KIF6: variants seen among roughly 807,000 people sequenced by gnomAD.
KIF6 encodes kinesin-like protein KIF6.
A neutral mutation model predicts 112.7 loss-of-function variants in KIF6; 106 were observed. The observed-to-expected ratio is 0.94, with a 90% CI of 0.80 to 1.11. The LOEUF is 1.11. Ranked by LOEUF, KIF6 falls within the 50% of genes least tolerant of loss-of-function variation. The probability of loss-of-function intolerance (pLI) is 0.00; values close to 1 mark genes in which losing one functional copy is unlikely to be tolerated. For missense variants in KIF6, 929 were observed against 964.0 expected (o/e 0.96, Z 0.48); for synonymous variants, 339 against 339.9 (o/e 1.00, Z 0.03).
rs1160177387 is a variant in KIF6 at position 39,431,843 on chromosome 6, G to A, written c.1646-682C>T. On this transcript the variant is annotated intron_variant, in intron 13 of 22. Transcript: ENST00000287152. Reference sequence around the variant, plus strand: ...TGGGACCCACGGTCAGTACAGCCAGGACCAGGCTCTCCTCCTCACCACCTC... The same window carrying A: ...TGGGACCCACGGTCAGTACAGCCAGAACCAGGCTCTCCTCCTCACCACCTC... Among the ~76,000 whole-genome samples, 4 of 152,128 alleles carry A rather than the reference G, an allele frequency of 2.6e-5. No homozygotes were observed. In the East Asian group the frequency reaches 7.7e-4, roughly 29 times the overall value.
intron 6 of KIF6, among the ~76,000 whole-genome samples, chr6:39,609,005 C>A (rs1438685734): frequency 6.6e-6 from 1 of 152,104 alleles, no homozygotes; most frequent in East Asian, 1.9e-4. Context: ...TTTCTATATC[C>A]CTAGAAGGTG....
chr6:39,441,541 G>A (rs1455770281), intron 13 of KIF6, among the ~76,000 whole-genome samples: 1 of 152,164 alleles, frequency 6.6e-6, no homozygotes, highest in Non-Finnish European at 1.5e-5. Flanking sequence ...AGAGCCATCT[G>A]TCACGGTTCT....
chr6:39,613,857 T>G (rs1783354118), intron 5 of KIF6, among the ~76,000 whole-genome samples: 1 of 152,186 alleles, frequency 6.6e-6, no homozygotes, highest in Non-Finnish European at 1.5e-5. Context: ...GAATAAAAAA[T>G]TTTCAAGTCT....
At chr6:39,382,534 G>A (rs1767043762) in intron 16 of KIF6, among the ~76,000 whole-genome samples, 1 of 152,074 alleles carries the variant, frequency 6.6e-6, no homozygotes, top group African/African-American at 2.4e-5. Context: ...GTTCCATGAT[G>A]TGTACCACAT....
chr6:39,378,159 G>A lies in KIF6; in HGVS notation c.1861+7463C>T, dbSNP rs1040625674. On this transcript the variant is annotated intron_variant, in intron 16 of 22. Coordinates refer to ENST00000287152, the MANE Select transcript of KIF6 (RefSeq NM_145027.6). The surrounding 1 kb of genome is among the most constrained non-coding windows in gnomAD (Gnocchi z 5.0). The stretch of plus-strand genomic sequence containing the variant: ...GGTCAAGGGGTAAACGCAGAGAAGC[G>A]TAAATGCAGAGAAACCCCCATCCCG... 6.6e-6 allele frequency among the ~76,000 whole-genome samples: 1 copy of A among 151,844 alleles called. No homozygotes were observed. Among genetic ancestry groups the A allele is most frequent in the Non-Finnish European group, 1.5e-5 (1 of 67,954 alleles).
chr6:39,440,286 T>C (rs1271123740), intron 13 of KIF6, among the ~76,000 whole-genome samples: 2 of 152,080 alleles, frequency 1.3e-5, no homozygotes, highest in South Asian at 2.1e-4. Flanking sequence ...ATGATTATAC[T>C]CTGTGGCTCA....
At chr6:39,466,615 C>T (rs947948916) in intron 13 of KIF6, among the ~76,000 whole-genome samples, 1 of 152,014 alleles carries the variant, frequency 6.6e-6, no homozygotes, top group African/African-American at 2.4e-5. Context: ...GGAAGCTCTA[C>T]TCTGGATGAC....
chr6:39,410,267 T>G (rs1042862846), intron 15 of KIF6, among the ~76,000 whole-genome samples: 2 of 152,254 alleles, frequency 1.3e-5, no homozygotes, highest in African/African-American at 4.8e-5. Context: ...AGAATGTACA[T>G]TACTACTACG....
At chr6:39,625,870 G>C (rs773769346) in intron 5 of KIF6, among the ~76,000 whole-genome samples, 5 of 152,140 alleles carry the variant, frequency 3.3e-5, no homozygotes, top group Non-Finnish European at 5.9e-5. Context: ...GTAGGTAAGT[G>C]AGAAAAAGGG....
intron 15 of KIF6, among the ~76,000 whole-genome samples, chr6:39,414,855 C>T (rs1012805706): frequency 2.6e-5 from 4 of 151,936 alleles, no homozygotes; most frequent in East Asian, 3.9e-4. Flanking sequence ...AAATTCTAGT[C>T]TGGCCACTTA....
chr6:39,450,112 T>A (rs1581883453), intron 13 of KIF6, among the ~76,000 whole-genome samples: 2 of 152,360 alleles, frequency 1.3e-5, no homozygotes, highest in East Asian at 3.9e-4. Context: ...GCAAGGTGGC[T>A]AGTGAGAGCC....
rs963342548 is a variant in KIF6, at chr6:39,331,793, A to G, written c.*4739T>C. On this transcript the variant is annotated 3_prime_UTR_variant, in exon 23 of 23. Transcript: ENST00000287152. ...TGGATGGCACATCCTTGTCAAAACA[A>G]TGACCAGATGAATGAGACATGCTTA... 6.6e-6 allele frequency: 1 copy of G among 152,302 alleles called. No homozygotes were observed. Among genetic ancestry groups the G allele is most frequent in the Non-Finnish European group, 1.5e-5 (1 of 68,024 alleles). The allele number at this position is 152,302 out of a possible 1,614,324, so 9.4% of individuals were successfully genotyped here.
intron 7 of KIF6, among the ~76,000 whole-genome samples, chr6:39,589,040 C>A (rs1781790847): frequency 1.3e-5 from 2 of 152,326 alleles, no homozygotes; most frequent in South Asian, 2.1e-4. Context: ...TGTGGTCCAT[C>A]CCTGTTCGAC....
At chr6:39,599,203 A>C (rs115005876) in intron 6 of KIF6, among the ~76,000 whole-genome samples, 1,730 of 152,344 alleles carry the variant, frequency 0.011, 32 homozygotes, top group African/African-American at 0.039. Flanking sequence ...ACAAGTTAGT[A>C]GTATCATCCT....
chr6:39,524,520 G>C (rs1306739612), intron 13 of KIF6, among the ~76,000 whole-genome samples: 1 of 152,168 alleles, frequency 6.6e-6, no homozygotes, highest in African/African-American at 2.4e-5. Context: ...CATGTTAGAG[G>C]AAAGTACTCA....
intron 13 of KIF6, among the ~76,000 whole-genome samples, chr6:39,476,472 G>A (rs763413638): frequency 1.3e-5 from 2 of 152,144 alleles, no homozygotes; most frequent in Non-Finnish European, 2.9e-5. Context: ...CAACAGAAGC[G>A]AAGAAACTCA....
intron 15 of KIF6, among the ~76,000 whole-genome samples, chr6:39,388,250 G>A (rs1191762201): frequency 2.0e-5 from 3 of 151,674 alleles, no homozygotes; most frequent in South Asian, 2.1e-4. Context: ...CTATTGGAAC[G>A]ACCAAGTTCC....
At chr6:39,553,549 T>A (rs969153852) in intron 10 of KIF6, among the ~76,000 whole-genome samples, 7 of 152,204 alleles carry the variant, frequency 4.6e-5, no homozygotes, top group African/African-American at 1.4e-4. Flanking sequence ...TTTCAAAAAC[T>A]ATTTTGAAAT....
At chr6:39,640,728 G>T (rs1001993983) in intron 3 of KIF6, among the ~76,000 whole-genome samples, 9 of 152,054 alleles carry the variant, frequency 5.9e-5, no homozygotes, top group African/African-American at 2.2e-4. Flanking sequence ...GTCATTATAA[G>T]GGTCTCCTAA....
Sources: gnomAD v4.1 joint callset for allele counts (sites outside exome capture counted in the v4.1 genomes callset) on GRCh38, gnomAD v4.1.1 for gene constraint, Gnocchi (gnomAD v3.1) non-coding constraint, MANE v1.5 for transcripts, NCBI Gene and HGNC (gene_info 2026-07-23, HGNC 2026-07-21) for gene names.